The following PCDHA13 variants were observed in gnomAD, a reference collection of about 807,000 sequenced individuals.
PCDHA13 encodes protocadherin alpha-13.
In PCDHA13, 54 loss-of-function variants were observed where a neutral mutation model predicts 64.8. The observed-to-expected ratio is 0.83, with a 90% confidence interval of 0.67 to 1.04. The LOEUF (loss-of-function observed/expected upper bound fraction) is 1.04, where lower values mean the gene tolerates loss of function less well. Ranked by LOEUF, PCDHA13 falls within the 50% of genes least tolerant of loss-of-function variation. The probability of loss-of-function intolerance (pLI) is 0.00; values close to 1 mark genes in which losing one functional copy is unlikely to be tolerated. For missense variants in PCDHA13, 1,248 were observed against 1,254.3 expected (o/e 0.99, Z 0.08); for synonymous variants, 587 against 564.4 (o/e 1.04, Z -0.57).
chr5:140,969,166 C>T lies in PCDHA13; in HGVS notation c.2395-9783C>T, dbSNP rs1554231524. ...GCTACAAGGCCTGTCTGACAGCAGG[C>T]TCAGGGAGTGACACTTTCATGTTTT... On this transcript the variant is annotated intron_variant, in intron 1 of 3. Transcript: ENST00000289272. 2.5e-6 allele frequency: 4 copies of T among 1,614,092 alleles called. No homozygotes were observed. In the South Asian group the frequency reaches 4.4e-5, roughly 18 times the overall value.
chr5:140,923,200 G>C (rs2081224774), intron 1 of PCDHA13, among the ~76,000 whole-genome samples: 1 of 152,166 alleles, frequency 6.6e-6, no homozygotes, highest in Admixed American at 6.5e-5. Flanking sequence ...AGCAATTTGG[G>C]AGGCTAAGGT....
intron 3 of PCDHA13, among the ~76,000 whole-genome samples, chr5:140,990,589 C>G (rs1208213426): frequency 6.6e-6 from 1 of 152,196 alleles, no homozygotes; most frequent in African/African-American, 2.4e-5. Flanking sequence ...TTCCTATAAT[C>G]ACCTGGAGTC....
chr5:140,913,237 C>A (rs2076260841), intron 1 of PCDHA13, among the ~76,000 whole-genome samples: 1 of 152,080 alleles, frequency 6.6e-6, no homozygotes, highest in Non-Finnish European at 1.5e-5. Context: ...TGCTGGGAGA[C>A]TTTTTGTTAC....
At chr5:140,943,717 T>A (rs1269511670) in intron 1 of PCDHA13, among the ~76,000 whole-genome samples, 1 of 152,108 alleles carries the variant, frequency 6.6e-6, no homozygotes, top group Non-Finnish European at 1.5e-5. Context: ...CATTTAAAGG[T>A]CTGAGAGAAT....
intron 1 of PCDHA13, among the ~76,000 whole-genome samples, chr5:140,960,928 AAGTTT>A (rs2095579865): frequency 6.6e-6 from 1 of 152,184 alleles, no homozygotes; most frequent in South Asian, 2.1e-4. Context: ...AATTGGTACT[AAGTTT>A]AGTGAATTAG....
chr5:140,987,122 G>A (rs1054053197), intron 3 of PCDHA13, among the ~76,000 whole-genome samples: 2 of 151,858 alleles, frequency 1.3e-5, no homozygotes, highest in African/African-American at 4.8e-5. Context: ...GCTGAGGCAG[G>A]AGAATTGCTT....
At chr5:140,987,334 C>A (rs925665306) in intron 3 of PCDHA13, among the ~76,000 whole-genome samples, 1 of 152,086 alleles carries the variant, frequency 6.6e-6, no homozygotes, top group East Asian at 1.9e-4. Flanking sequence ...AAGAACTGGT[C>A]TAAGGTAAAT....
intron 1 of PCDHA13, among the ~76,000 whole-genome samples, chr5:140,975,784 A>T (rs1216156931): frequency 1.3e-5 from 2 of 151,914 alleles, no homozygotes; most frequent in African/African-American, 4.8e-5. Flanking sequence ...CCATTACAAG[A>T]TAAATTAAAT....
At chr5:140,964,792 C>T (rs183206526) in intron 1 of PCDHA13, among the ~76,000 whole-genome samples, 5 of 151,738 alleles carry the variant, frequency 3.3e-5, no homozygotes, top group African/African-American at 7.3e-5. Context: ...AAGCCAGAGA[C>T]CCAAGAAAGG....
Position 140,883,294 on chromosome 5 carries a change from T to A in PCDHA13, c.1026T>A (p.Asp342Glu), listed in dbSNP as rs782475623. The A allele has an allele frequency of 3.7e-6, 6 of 1,613,956 alleles. No homozygotes were observed. Among genetic ancestry groups the A allele is most frequent in the Non-Finnish European group, 4.2e-6 (5 of 1,180,014 alleles). ...GHCTLLVEVL[D>E]VNDNAPEVTI... ...GTACCCTTTTGGTGGAAGTACTAGA[T>A]GTAAATGATAACGCCCCAGAGGTTA... The change falls in exon 1 of 4, where the codon GAT becomes GAA. Residue 342 changes from aspartate (D) to glutamate (E), a missense_variant. By Grantham distance (45) the Asp-to-Glu change is conservative (BLOSUM62 2). Transcript: ENST00000289272.
intron 1 of PCDHA13, among the ~76,000 whole-genome samples, chr5:140,937,783 G>A (rs1554211789): frequency 6.7e-6 from 1 of 150,256 alleles, no homozygotes; most frequent in African/African-American, 2.5e-5. Context: ...GTGGTGGCGG[G>A]CGTATGTAGT....
chr5:140,972,829 A>G (rs1554234573), intron 1 of PCDHA13, among the ~76,000 whole-genome samples: 1 of 151,808 alleles, frequency 6.6e-6, no homozygotes, highest in Non-Finnish European at 1.5e-5. Flanking sequence ...ACGCCTGGCT[A>G]ATTTTTGTAT....
chr5:140,938,237 T>A (rs1287300526), intron 1 of PCDHA13, among the ~76,000 whole-genome samples: 1 of 152,208 alleles, frequency 6.6e-6, no homozygotes, highest in African/African-American at 2.4e-5. Context: ...TAGGCCACCA[T>A]GCCTGGTCTT....
intron 1 of PCDHA13, among the ~76,000 whole-genome samples, chr5:140,901,420 C>G (rs2153473414): frequency 6.6e-6 from 1 of 152,248 alleles, no homozygotes; most frequent in East Asian, 1.9e-4. Context: ...TAGTTTCATT[C>G]CTCTGCATAT....
In PCDHA13 at chr5:141,011,833, C is replaced by T. The variant is rs1223674434; in HGVS notation, c.*1896C>T. 6.5e-6 allele frequency: 1 copy of T among 153,366 alleles called. No individual in the cohort carries two copies. Among genetic ancestry groups the T allele is most frequent in the Non-Finnish European group, 1.5e-5 (1 of 67,994 alleles). 9.5% of individuals were successfully genotyped at this position (153,366 alleles called of 1,614,324 possible). On this transcript the variant is annotated 3_prime_UTR_variant, in exon 4 of 4. Transcript: ENST00000289272. ...TAGAAAGTAACAAAATTTGCTGTCA[C>T]CTTAAATAAGACATTTTAATTTTGT...
rs181377286 is a variant in PCDHA13 at position 140,886,682 on chromosome 5, G to C, written c.2394+2020G>C. Among the ~76,000 whole-genome samples, 463 of 151,736 alleles carry C rather than the reference G, an allele frequency of 3.1e-3. 3 individuals carry two copies. Among genetic ancestry groups the C allele is most frequent in the Middle Eastern group, 0.014 (4 of 294 alleles). The stretch of plus-strand genomic sequence containing the variant: ...CTCTACTAAAAATACAAAAATTAGC[G>C]AGGCATGGTGGCACGCGCCTGTAAT... On this transcript the variant is annotated intron_variant, in intron 1 of 3. Coordinates refer to ENST00000289272, the MANE Select transcript of PCDHA13 (RefSeq NM_018904.3).
intron 1 of PCDHA13, among the ~76,000 whole-genome samples, chr5:140,958,134 T>C (rs1235856780): frequency 6.6e-6 from 1 of 152,150 alleles, no homozygotes; most frequent in African/African-American, 2.4e-5. Flanking sequence ...TGTATCAGTG[T>C]GTATATTTAT....
intron 1 of PCDHA13, among the ~76,000 whole-genome samples, chr5:140,934,702 C>T (rs538683438): frequency 1.3e-5 from 2 of 152,158 alleles, no homozygotes; most frequent in South Asian, 4.2e-4. Context: ...GATTCCTGGC[C>T]ATCTTACAAA....
At position 140,903,003 on chromosome 5, in the gene PCDHA13, A is replaced by C. The variant is rs115622636; in HGVS notation, c.2394+18341A>C. On this transcript the variant is annotated intron_variant, in intron 1 of 3. Transcript: ENST00000289272. ...TGGTTCCATATTTTTGCAATTGTGAATTGTGCTGCTATCAACATGGCTTGC... is the reference window on the plus strand; with the variant it reads ...TGGTTCCATATTTTTGCAATTGTGACTTGTGCTGCTATCAACATGGCTTGC... Among the ~76,000 whole-genome samples the C allele has an allele frequency of 4.6e-3, 703 of 152,302 alleles. 3 individuals are homozygous for C. The highest frequency in any genetic ancestry group is 0.016 in the African/African-American group (680 of 41,574).
Sources: allele counts gnomAD v4.1 joint callset (sites outside exome capture counted in the v4.1 genomes callset), GRCh38; gene constraint gnomAD v4.1.1; transcripts MANE v1.5; gene names NCBI Gene and HGNC (gene_info 2026-07-23, HGNC 2026-07-21).